MLF2: variants seen among roughly 807,000 people sequenced by gnomAD.
The protein encoded by MLF2 is myelodysplasia-myeloid leukemia factor 2.
A neutral mutation model predicts 31.4 loss-of-function variants in MLF2; 12 were observed. The ratio of observed to expected loss-of-function variants is 0.38; its 90% confidence interval spans 0.24 to 0.62. The LOEUF (loss-of-function observed/expected upper bound fraction) is 0.62. Among genes scored for constraint, MLF2 ranks in the 20% least tolerant of loss-of-function variants. The probability of loss-of-function intolerance (pLI) is 0.58; values close to 1 mark genes in which losing one functional copy is unlikely to be tolerated. For missense variants in MLF2, 272 were observed against 359.7 expected (o/e 0.76, Z 1.97); for synonymous variants, 109 against 118.8 (o/e 0.92, Z 0.54).
chr12:6,749,295 A>G lies in MLF2; in HGVS notation c.560-313T>C. Among the ~76,000 whole-genome samples, 1 of 149,342 alleles carries G rather than the reference A, an allele frequency of 6.7e-6. No homozygotes were observed. Among genetic ancestry groups the G allele is most frequent in the East Asian group, 2.0e-4 (1 of 5,072 alleles). On this transcript the variant is annotated intron_variant, in intron 7 of 8. Transcript: ENST00000203630. This position sits in a 1 kb window ranked among gnomAD's most constrained non-coding sequence, Gnocchi z 5.3. ...AGATAAAGAGGGGAGAAAGAAACGG[A>G]TCAAGGTGGAGAAGGGTGTAACACT...
At chr12:6,751,762 T>C (rs894784715) in intron 3 of MLF2, 86 bp from the exon 4 acceptor site, 1 of 1,578,702 alleles carries the variant, frequency 6.3e-7, no homozygotes, top group African/African-American at 1.4e-5. Flanking sequence ...TCAATTTTTT[T>C]CCATCCTCTC....
intron 4 of MLF2, 147 bp downstream of exon 4, chr12:6,751,494 C>T (rs1441113139): frequency 1.1e-6 from 1 of 943,502 alleles, no homozygotes; most frequent in Non-Finnish European, 1.7e-6. Context: ...TCCTAGTACC[C>T]AACAGGCTCA....
rs771109658 is a variant in MLF2, at chr12:6,751,659, G to A, written c.198C>T (p.Pro66=). 1.9e-6 allele frequency: 3 copies of A among 1,614,096 alleles called. No individual in the cohort carries two copies. Among genetic ancestry groups the A allele is most frequent in the Admixed American group, 3.3e-5 (2 of 60,012 alleles). Residue 66 remains proline (P), a synonymous_variant, in exon 4 of 9, where the codon CCC becomes CCT. Coordinates refer to ENST00000203630, the MANE Select transcript of MLF2 (RefSeq NM_001382226.1). ...RRMQQAGAVS[P]FGMLGMSGGF... ...GACTCACCATTCCCAGCATCCCAAAGGGGGAGACAGCTCCAGCCTACAGGA... is the reference window on the plus strand; with the variant it reads ...GACTCACCATTCCCAGCATCCCAAAAGGGGAGACAGCTCCAGCCTACAGGA...
rs1179654322 is a variant in MLF2, at chr12:6,749,063, G to A, written c.560-81C>T. The stretch of plus-strand genomic sequence containing the variant: ...ATGTGCGAGCGAGCCACAGCTTTTC[G>A]GGCCAAAGCGGCGAAGGCTGAGTGT... On this transcript the variant is annotated intron_variant, in intron 7 of 8. Coordinates refer to ENST00000203630, the MANE Select transcript of MLF2 (RefSeq NM_001382226.1). The surrounding 1 kb of genome is among the most constrained non-coding windows in gnomAD (Gnocchi z 5.3). 8.5e-6 allele frequency: 12 copies of A among 1,405,866 alleles called. No individual in the cohort carries two copies. The highest frequency in any genetic ancestry group is 3.0e-5 in the African/African-American group (2 of 65,858). 87.1% of individuals were successfully genotyped at this position (1,405,866 alleles called of 1,614,324 possible).
At position 6,750,159 on chromosome 12, in the gene MLF2, GA is replaced by G; in HGVS notation, c.399+17del. 1 of 1,614,184 alleles carries G rather than the reference GA, an allele frequency of 6.2e-7. No individual in the cohort carries two copies. The highest frequency in any genetic ancestry group is 8.5e-7 in the Non-Finnish European group (1 of 1,180,032). ...CTCAATCCTACCTTCTCTGGGACAG[GA>G]GGGCTCCCCAACTCACCCCGCCTGG... On this transcript the variant is annotated intron_variant, in intron 6 of 8. Coordinates refer to ENST00000203630, the MANE Select transcript of MLF2 (RefSeq NM_001382226.1). This position sits in a 1 kb window ranked among gnomAD's most constrained non-coding sequence, Gnocchi z 5.3.
chr12:6,750,093 C>A lies in MLF2; in HGVS notation c.399+84G>T. ...CTCAGGATAAACACACCACACACAA[C>A]CCAATCCGGAAAAAAGCAGCCAGGG... On this transcript the variant is annotated intron_variant, in intron 6 of 8. Coordinates refer to ENST00000203630, the MANE Select transcript of MLF2 (RefSeq NM_001382226.1). This position sits in a 1 kb window ranked among gnomAD's most constrained non-coding sequence, Gnocchi z 5.3. 6.2e-7 allele frequency: 1 copy of A among 1,611,816 alleles called. No individual in the cohort carries two copies. Among genetic ancestry groups the A allele is most frequent in the Non-Finnish European group, 8.5e-7 (1 of 1,178,608 alleles).
chr12:6,750,956 C>T lies in MLF2; in HGVS notation c.217-190G>A. The T allele has an allele frequency of 1.7e-6, 1 of 593,394 alleles. No homozygotes were observed. The highest frequency in any genetic ancestry group is 3.1e-6 in the Non-Finnish European group (1 of 326,514). The allele number at this position is 593,394 out of a possible 1,614,324, so 36.8% of individuals were successfully genotyped here. ...TATTTCTCCTCCTGTGAACTGCTGA[C>T]CCCTTCCTCAGTCTCTGTGACTGCT... On this transcript the variant is annotated intron_variant, in intron 4 of 8. Transcript: ENST00000203630. The surrounding 1 kb of genome is among the most constrained non-coding windows in gnomAD (Gnocchi z 5.3).
rs112525035 is a variant in MLF2, at chr12:6,752,573, C to G, written c.-28-211G>C. 4.8e-3 allele frequency: 2,334 copies of G among 487,016 alleles called. 46 individuals carry two copies. Among genetic ancestry groups the G allele is most frequent in the African/African-American group, 0.039 (2,005 of 51,704 alleles). The allele number at this position is 487,016 out of a possible 1,614,324, so 30.2% of individuals were successfully genotyped here. A position where few individuals can be genotyped will look rare whatever the true frequency, so the allele number is the denominator to read the frequency against. ...TCAATTAGGGCCATGGAAAATTTTT[C>G]CAACCCTCTCGGTTTTTCCCTCCCC... On this transcript the variant is annotated intron_variant, in intron 1 of 8. Coordinates refer to ENST00000203630, the MANE Select transcript of MLF2 (RefSeq NM_001382226.1). This position sits in a 1 kb window ranked among gnomAD's most constrained non-coding sequence, Gnocchi z 4.6.
intron 3 of MLF2, 100 bp from the exon 4 acceptor site, chr12:6,751,776 A>C: frequency 6.4e-7 from 1 of 1,563,570 alleles, no homozygotes; most frequent in Non-Finnish European, 8.8e-7. Flanking sequence ...TCCTCTCAAA[A>C]GGGAGTCACA....
At chr12:6,751,796 T>A in intron 3 of MLF2, 120 bp from the exon 4 acceptor site, 5 of 1,567,264 alleles carry the variant, frequency 3.2e-6, no homozygotes, top group South Asian at 2.2e-5. Context: ...AAAGCCCTTT[T>A]TCCTGACCCT....
At position 6,748,620 on chromosome 12, in the gene MLF2, T is replaced by G; in HGVS notation, c.*26-73A>C. On this transcript the variant is annotated intron_variant, in intron 8 of 8. Transcript: ENST00000203630. The surrounding 1 kb of genome is among the most constrained non-coding windows in gnomAD (Gnocchi z 4.6). ...TTACGTTAAGAGCCAGGAGTTGGGGTTTAATCCCCTATGTCAGTGAGAACA... is the reference window on the plus strand; with the variant it reads ...TTACGTTAAGAGCCAGGAGTTGGGGGTTAATCCCCTATGTCAGTGAGAACA... 1 of 602,666 alleles carries G rather than the reference T, an allele frequency of 1.7e-6. No individual in the cohort carries two copies. The highest frequency in any genetic ancestry group is 2.7e-6 in the Non-Finnish European group (1 of 363,856). 37.3% of individuals were successfully genotyped at this position (602,666 alleles called of 1,614,324 possible).
In MLF2 at chr12:6,748,699, T is replaced by G. The variant is rs1941561985; in HGVS notation, c.*25+71A>C. On this transcript the variant is annotated intron_variant, in intron 8 of 8. Coordinates refer to ENST00000203630, the MANE Select transcript of MLF2 (RefSeq NM_001382226.1). This position sits in a 1 kb window ranked among gnomAD's most constrained non-coding sequence, Gnocchi z 4.6. Reference sequence around the variant, plus strand: ...ACCAAAGGCAGCTCCTGCGGGAGCCTGAACTGAGCCTGCCTTGCAGCCGAG... The same window carrying G: ...ACCAAAGGCAGCTCCTGCGGGAGCCGGAACTGAGCCTGCCTTGCAGCCGAG... The G allele has an allele frequency of 1.6e-6, 2 of 1,241,262 alleles. No individual in the cohort carries two copies. Among genetic ancestry groups the G allele is most frequent in the Non-Finnish European group, 2.2e-6 (2 of 916,804 alleles). The allele number at this position is 1,241,262 out of a possible 1,614,324, so 76.9% of individuals were successfully genotyped here. A position where few individuals can be genotyped will look rare whatever the true frequency, so the allele number is the denominator to read the frequency against.
chr12:6,748,952 C>T lies in MLF2; in HGVS notation c.590G>A (p.Arg197Gln), dbSNP rs780289664. 28 of 1,601,744 alleles carry T rather than the reference C, an allele frequency of 1.7e-5. No homozygotes were observed. The highest frequency in any genetic ancestry group is 4.6e-5 in the East Asian group (2 of 43,564). Residue 197 changes from arginine (R) to glutamine (Q), a missense_variant, in exon 8 of 9, where the codon CGG (arginine) becomes CAG (glutamine). Physicochemically the swap from Arg to Gln is conservative, Grantham distance 43 (BLOSUM62 1). Transcript: ENST00000203630. This position sits in a 1 kb window ranked among gnomAD's most constrained non-coding sequence, Gnocchi z 4.6. ...SEAAAFDDEW[R>Q]RETSRFRQQR... ...CTGCCGGAATCGGGAGGTCTCCCGC[C>T]GCCACTCGTCATCAAACGCTGCGGC...
In MLF2 at chr12:6,750,605, T is replaced by A. The variant is rs1941599293; in HGVS notation, c.270+108A>T. The A allele has an allele frequency of 1.6e-6, 2 of 1,289,834 alleles. No individual in the cohort carries two copies. Among genetic ancestry groups the A allele is most frequent in the East Asian group, 4.7e-5 (2 of 42,316 alleles). The allele number at this position is 1,289,834 out of a possible 1,614,324, so 79.9% of individuals were successfully genotyped here. A position where few individuals can be genotyped will look rare whatever the true frequency, so the allele number is the denominator to read the frequency against. ...TCTCTGGTTCAATTACTTTATCCAG[T>A]ACTTTACCCTTCACTAGCATACTGT... On this transcript the variant is annotated intron_variant, in intron 5 of 8. Transcript: ENST00000203630. The surrounding 1 kb of genome is among the most constrained non-coding windows in gnomAD (Gnocchi z 5.3).
chr12:6,750,299 T>G lies in MLF2; in HGVS notation c.277A>C (p.Met93Leu), dbSNP rs747525341. ...MNDMIGNMEH[M>L]TAGGNCQTFS... ...GTCTGGCAATTGCCTCCAGCTGTCA[T>G]GTGTTCCTGAGGACAGGGTAGGTAG... Residue 93 changes from methionine (M) to leucine (L), a missense_variant, in exon 6 of 9, where the codon ATG becomes CTG. Coordinates refer to ENST00000203630, the MANE Select transcript of MLF2 (RefSeq NM_001382226.1). The surrounding 1 kb of genome is among the most constrained non-coding windows in gnomAD (Gnocchi z 5.3). 3 of 1,614,072 alleles carry G rather than the reference T, an allele frequency of 1.9e-6. No individual in the cohort carries two copies. The highest frequency in any genetic ancestry group is 2.5e-6 in the Non-Finnish European group (3 of 1,179,978).
rs1026756346 is a variant in MLF2, at chr12:6,750,475, G to A, written c.271-170C>T. ...CCCAAATTCCTCTGAGTCCAACCAC[G>A]AGCAAGAAGGACCTGAAGAGACAGG... On this transcript the variant is annotated intron_variant, in intron 5 of 8. Coordinates refer to ENST00000203630, the MANE Select transcript of MLF2 (RefSeq NM_001382226.1). This position sits in a 1 kb window ranked among gnomAD's most constrained non-coding sequence, Gnocchi z 5.3. 1.8e-5 allele frequency: 17 copies of A among 966,204 alleles called. No homozygotes were observed. Among genetic ancestry groups the A allele is most frequent in the Admixed American group, 2.8e-5 (1 of 35,908 alleles). The allele number at this position is 966,204 out of a possible 1,614,324, so 59.9% of individuals were successfully genotyped here. A position where few individuals can be genotyped will look rare whatever the true frequency, so the allele number is the denominator to read the frequency against.
In MLF2 at chr12:6,748,822, G is replaced by A. The variant is rs754329435; in HGVS notation, c.720C>T (p.Ser240=). 6.4e-7 allele frequency: 1 copy of A among 1,551,734 alleles called. No homozygotes were observed. The highest frequency in any genetic ancestry group is 8.6e-7 in the Non-Finnish European group (1 of 1,157,230). ...LAIQGPEDSP[S]RQSRRYDW is the part of the protein sequence containing the mutation. ...ACCAGTCATAGCGGCGGGACTGTCG[G>A]GAAGGGGAGTCCTCAGGTCCCTGGA... Residue 240 remains serine (S), a synonymous_variant, in exon 8 of 9, where the codon TCC becomes TCT. Transcript: ENST00000203630. This position sits in a 1 kb window ranked among gnomAD's most constrained non-coding sequence, Gnocchi z 4.6.
rs1941563713 is a variant in MLF2 at position 6,748,777 on chromosome 12, G to A, written c.*18C>T. On this transcript the variant is annotated 3_prime_UTR_variant, in exon 8 of 9. Coordinates refer to ENST00000203630, the MANE Select transcript of MLF2 (RefSeq NM_001382226.1). This position sits in a 1 kb window ranked among gnomAD's most constrained non-coding sequence, Gnocchi z 4.6. ...CTTACTCCTGATACTTACAAGAGAG[G>A]CTGAGGGCCCGGGGCCCTCACCAGT... The A allele has an allele frequency of 6.6e-7, 1 of 1,511,038 alleles. No individual in the cohort carries two copies. Among genetic ancestry groups the A allele is most frequent in the Admixed American group, 2.6e-5 (1 of 38,750 alleles). The allele number at this position is 1,511,038 out of a possible 1,614,324, so 93.6% of individuals were successfully genotyped here. A position where few individuals can be genotyped will look rare whatever the true frequency, so the allele number is the denominator to read the frequency against.
rs944058278 is a variant in MLF2 at position 6,748,546 on chromosome 12, A to T, written c.*27T>A. 2.5e-6 allele frequency: 1 copy of T among 406,946 alleles called. No individual in the cohort carries two copies. Among genetic ancestry groups the T allele is most frequent in the African/African-American group, 2.1e-5 (1 of 48,184 alleles). 25.2% of individuals were successfully genotyped at this position (406,946 alleles called of 1,614,324 possible). ...ATGATTTCTCAGCCTCTCAGCCTGT[A>T]CCTGGAGGGGGAAAGAGAGAGGAGC... On this transcript the variant is annotated splice_region_variant and 3_prime_UTR_variant, in exon 9 of 9. Transcript: ENST00000203630. The surrounding 1 kb of genome is among the most constrained non-coding windows in gnomAD (Gnocchi z 4.6).
Sources: allele counts gnomAD v4.1 joint callset (sites outside exome capture counted in the v4.1 genomes callset), GRCh38; gene constraint gnomAD v4.1.1; non-coding constraint Gnocchi (gnomAD v3.1); transcripts MANE v1.5; gene names NCBI Gene and HGNC (gene_info 2026-07-23, HGNC 2026-07-21).